Variants in C3AR1 observed in about 807,000 individuals in gnomAD.
C3AR1 encodes the protein complement C3a receptor 1.
For synonymous variants in C3AR1, 208 were observed against 225.3 expected (o/e 0.92, Z 0.69); for missense variants, 579 against 583.5 (o/e 0.99, Z 0.08).
chr12:8,065,204 G>C (rs983065204), intron 1 of C3AR1, among the ~76,000 whole-genome samples: 7 of 150,732 alleles, frequency 4.6e-5, no homozygotes, highest in Admixed American at 2.6e-4. Flanking sequence ...TGCTAATAAA[G>C]GGGAAGCTGC....
Position 8,066,351 on chromosome 12 carries a change from A to T in C3AR1, c.-84T>A, listed in dbSNP as rs1024030252. The T allele has an allele frequency of 1.3e-5, 2 of 152,250 alleles. No individual in the cohort carries two copies. The highest frequency in any genetic ancestry group is 4.8e-5 in the African/African-American group (2 of 41,464). The allele number at this position is 152,250 out of a possible 1,614,324, so 9.4% of individuals were successfully genotyped here. A position where few individuals can be genotyped will look rare whatever the true frequency, so the allele number is the denominator to read the frequency against. On this transcript the variant is annotated 5_prime_UTR_variant, in exon 1 of 2. Transcript: ENST00000307637. ...CGAGTCCTGTCTGGTCCCCACACTTAGCCACAGTGAAGTCATGAAGTATGG... is the reference window on the plus strand; with the variant it reads ...CGAGTCCTGTCTGGTCCCCACACTTTGCCACAGTGAAGTCATGAAGTATGG...
chr12:8,060,254 A>G, intron 1 of C3AR1, 59 bp from the exon 2 acceptor site: 1 of 1,272,638 alleles, frequency 7.9e-7, no homozygotes, highest in Non-Finnish European at 1.1e-6. Flanking sequence ...ATGCATACAT[A>G]TTCTTAGGAT....
chr12:8,064,040 C>G (rs1382861540), intron 1 of C3AR1, among the ~76,000 whole-genome samples: 1 of 151,744 alleles, frequency 6.6e-6, no homozygotes, highest in Non-Finnish European at 1.5e-5. Flanking sequence ...CCACTGCACT[C>G]CAGCCTGCAT....
chr12:8,065,653 C>CAAAAAAA (rs753950088), intron 1 of C3AR1, among the ~76,000 whole-genome samples: 1 of 72,332 alleles, frequency 1.4e-5, no homozygotes. Flanking sequence ...GACTCTGTCT[C>CAAAAAAA]AAAAAAAAAA....
intron 1 of C3AR1, among the ~76,000 whole-genome samples, chr12:8,062,470 T>C (rs942737057): frequency 3.3e-5 from 5 of 152,024 alleles, no homozygotes; most frequent in Non-Finnish European, 5.9e-5. Context: ...CCCCCTTTTA[T>C]ATGATTATTT....
chr12:8,064,417 G>A (rs1443712578), intron 1 of C3AR1, among the ~76,000 whole-genome samples: 1 of 152,178 alleles, frequency 6.6e-6, no homozygotes, highest in African/African-American at 2.4e-5. Context: ...CATGGGCTGG[G>A]CACAGTGGCT....
chr12:8,058,558 G>A lies in C3AR1; in HGVS notation c.*179C>T. 1.5e-6 allele frequency: 1 copy of A among 680,404 alleles called. No individual in the cohort carries two copies. Among genetic ancestry groups the A allele is most frequent in the South Asian group, 2.2e-5 (1 of 44,854 alleles). 42.1% of individuals were successfully genotyped at this position (680,404 alleles called of 1,614,324 possible). ...AGTCTGGGATGCGGCTTGAGAATTT[G>A]CATTTCTAACAAGTTTCTAGGTGAT... On this transcript the variant is annotated 3_prime_UTR_variant, in exon 2 of 2. Coordinates refer to ENST00000307637, the MANE Select transcript of C3AR1 (RefSeq NM_004054.4).
rs1947243897 is a variant in C3AR1 at position 8,059,518 on chromosome 12, C to G, written c.668G>C (p.Trp223Ser). The G allele has an allele frequency of 1.2e-6, 2 of 1,614,030 alleles. No individual in the cohort carries two copies. Among genetic ancestry groups the G allele is most frequent in the Non-Finnish European group, 1.7e-6 (2 of 1,179,950 alleles). Residue 223 changes from tryptophan to serine, a missense_variant, in exon 2 of 2, where the codon TGG becomes TCG. By Grantham distance (177) the Trp-to-Ser change is radical (BLOSUM62 -3). Transcript: ENST00000307637. ...AGGTTGGAAGACAGTGGGGACTGTC[C>G]AAGGATGATCATTTGTTTGGAAAGA... ...PSSFQTNDHP[W>S]TVPTVFQPQT...
chr12:8,061,000 C>T (rs1012195572), intron 1 of C3AR1, among the ~76,000 whole-genome samples: 6 of 152,258 alleles, frequency 3.9e-5, no homozygotes, highest in African/African-American at 1.4e-4. Flanking sequence ...TCTCTGAGGG[C>T]AGAAGCTTCA....
intron 1 of C3AR1, among the ~76,000 whole-genome samples, chr12:8,065,148 C>CAAA (rs34054766): frequency 7.7e-5 from 10 of 129,822 alleles, no homozygotes; most frequent in African/African-American, 2.8e-4. Flanking sequence ...TTTTTACTAC[C>CAAA]AAAAAAAAAA....
At position 8,057,769 on chromosome 12, in the gene C3AR1, C is replaced by G. The variant is rs1947207185; in HGVS notation, c.*968G>C. On this transcript the variant is annotated 3_prime_UTR_variant, in exon 2 of 2. Coordinates refer to ENST00000307637, the MANE Select transcript of C3AR1 (RefSeq NM_004054.4). ...TGCAGAGAGTAGAAGAATTGCTGCT[C>G]CATCCTCCACCCTCTTTCTCCTTCC... is the stretch of plus-strand genomic sequence containing the variant. 6.6e-6 allele frequency among the ~76,000 whole-genome samples: 1 copy of G among 152,092 alleles called. No homozygotes were observed. Among genetic ancestry groups the G allele is most frequent in the Admixed American group, 6.5e-5 (1 of 15,272 alleles).
intron 1 of C3AR1, among the ~76,000 whole-genome samples, 152 bp from the exon 2 acceptor site, chr12:8,060,347 C>T (rs887986392): frequency 1.3e-5 from 2 of 152,182 alleles, no homozygotes; most frequent in African/African-American, 2.4e-5. Flanking sequence ...TCACCTCACA[C>T]GGGACCACAT....
At position 8,059,997 on chromosome 12, in the gene C3AR1, G is replaced by A. The variant is rs1467244201; in HGVS notation, c.189C>T (p.His63=). The change falls in exon 2 of 2, where the codon CAC becomes CAT. Residue 63 remains histidine (H), a synonymous_variant. Coordinates refer to ENST00000307637, the MANE Select transcript of C3AR1 (RefSeq NM_004054.4). ...AGCAGAGGAGGTCCGCCAAGGTGAG[G>A]TGGAGGAACCAAATTGTGTTCACTG... ...QRTVNTIWFL[H]LTLADLLCCL... is the part of the protein sequence containing the mutation. 10 of 1,614,148 alleles carry A rather than the reference G, an allele frequency of 6.2e-6. No individual in the cohort carries two copies. The highest frequency in any genetic ancestry group is 8.5e-6 in the Non-Finnish European group (10 of 1,180,038).
intron 1 of C3AR1, among the ~76,000 whole-genome samples, chr12:8,065,580 G>C (rs1205798806): frequency 6.7e-6 from 1 of 150,022 alleles, no homozygotes; most frequent in East Asian, 2.0e-4. Context: ...CTTGAACCTG[G>C]GAGGCGGAGG....
chr12:8,059,301 C>G lies in C3AR1; in HGVS notation c.885G>C (p.Lys295Asn). The G allele has an allele frequency of 3.7e-6, 6 of 1,614,188 alleles. No homozygotes were observed. Among genetic ancestry groups the G allele is most frequent in the Non-Finnish European group, 5.1e-6 (6 of 1,180,036 alleles). The change falls in exon 2 of 2, where the codon AAG becomes AAC. Residue 295 changes from lysine (K) to asparagine (N), a missense_variant. Coordinates refer to ENST00000307637, the MANE Select transcript of C3AR1 (RefSeq NM_004054.4). ...NSDAFLSTHL[K>N]LFPSASSNSF... Reference sequence around the variant, plus strand: ...AATTGCTAGAAGCGCTAGGGAACAGCTTTAAATGAGTAGAGAGAAAAGCAT... The same window carrying G: ...AATTGCTAGAAGCGCTAGGGAACAGGTTTAAATGAGTAGAGAGAAAAGCAT...
chr12:8,064,601 A>G (rs937176485), intron 1 of C3AR1, among the ~76,000 whole-genome samples: 6 of 151,718 alleles, frequency 4.0e-5, no homozygotes, highest in African/African-American at 1.5e-4. Context: ...AGGCAGGAGA[A>G]TCGCTTGAAC....
intron 1 of C3AR1, among the ~76,000 whole-genome samples, chr12:8,062,949 CTTTTTTTT>C (rs71451936): frequency 5.3e-5 from 3 of 56,316 alleles, no homozygotes; most frequent in African/African-American, 2.1e-4. Flanking sequence ...GCGCCCGGCC[CTTTTTTTT>C]TTTTTTTTTT....
chr12:8,064,446 A>G (rs1386688133), intron 1 of C3AR1, among the ~76,000 whole-genome samples: 1 of 152,224 alleles, frequency 6.6e-6, no homozygotes, highest in Non-Finnish European at 1.5e-5. Context: ...TTATCCCAGC[A>G]CTTTGGGAAG....
chr12:8,063,854 T>C (rs935764623), intron 1 of C3AR1, among the ~76,000 whole-genome samples: 8 of 151,898 alleles, frequency 5.3e-5, no homozygotes, highest in African/African-American at 1.2e-4. Context: ...AGAAGATCGC[T>C]TGGGGCTAGG....
Sources: allele counts gnomAD v4.1 joint callset (sites outside exome capture counted in the v4.1 genomes callset), GRCh38; gene constraint gnomAD v4.1.1; transcripts MANE v1.5; gene names NCBI Gene and HGNC (gene_info 2026-07-23, HGNC 2026-07-21).